The following DRG1 variants were observed in gnomAD, a reference collection of about 807,000 sequenced individuals.
DRG1 encodes developmentally-regulated GTP-binding protein 1.
Under a neutral mutation model 38.8 loss-of-function variants are expected in DRG1, and 19 were observed. The ratio of observed to expected loss-of-function variants is 0.49; its 90% CI spans 0.34 to 0.72. The LOEUF (loss-of-function observed/expected upper bound fraction) is 0.72, where lower values mean the gene tolerates loss of function less well. DRG1 is among the 30% of genes least tolerant of loss of function. The pLI, the probability that DRG1 is intolerant of heterozygous loss-of-function variation, is 0.01. For missense variants in DRG1, 299 were observed against 444.8 expected (o/e 0.67, Z 2.95); for synonymous variants, 167 against 157.5 (o/e 1.06, Z -0.45).
At chr22:31,430,100 A>G (rs1422903889) in intron 8 of DRG1, among the ~76,000 whole-genome samples, 1 of 152,120 alleles carries the variant, frequency 6.6e-6, no homozygotes, top group Non-Finnish European at 1.5e-5. Context: ...TTCCCAAATG[A>G]CATTGATTTT....
chr22:31,424,488 CTTTTT>C (rs398036881), intron 6 of DRG1, among the ~76,000 whole-genome samples: 7 of 71,396 alleles, frequency 9.8e-5, no homozygotes, highest in Non-Finnish European at 7.1e-5. Context: ...GCTTTGGTTT[CTTTTT>C]TTTTTTTTTT....
At chr22:31,399,868 C>T in intron 1 of DRG1, 143 bp downstream of exon 1, 1 of 1,227,358 alleles carries the variant, frequency 8.1e-7, no homozygotes, top group Non-Finnish European at 1.2e-6. Flanking sequence ...TTCCGACTGC[C>T]CTCTGCCACG....
Position 31,400,639 on chromosome 22 carries a change from A to G in DRG1, c.62A>G (p.Asn21Ser), listed in dbSNP as rs2049955857. The change falls in exon 2 of 9, where the codon AAC becomes AGC. Residue 21 changes from asparagine to serine, a missense_variant. Around this residue, in one of 3 missense-constraint regions of DRG1, gnomAD observed 51 missense variants for 56.1 expected, o/e 0.91. Coordinates refer to ENST00000331457, the MANE Select transcript of DRG1 (RefSeq NM_004147.4). ...TTTTAGATGGCTCGGACTCAAAAGA[A>G]CAAGGCCACAGCACACCACTTAGGG... ...IEAEMARTQK[N>S]KATAHHLGLL... The G allele has an allele frequency of 6.2e-7, 1 of 1,613,070 alleles. No individual in the cohort carries two copies. The highest frequency in any genetic ancestry group is 1.3e-5 in the African/African-American group (1 of 74,862).
In DRG1 at chr22:31,433,938, G is replaced by A. The variant is rs1232891333; in HGVS notation, c.1071G>A (p.Glu357=). The part of the protein sequence containing the change: ...PQKVGKDHTL[E]DEDVIQIVKK ...AAGTGGGTAAAGACCATACGTTGGA[G>A]GATGAGGATGTCATTCAAATTGTGA... is the stretch of plus-strand genomic sequence containing the variant. Residue 357 remains glutamate, a synonymous_variant, in exon 9 of 9, where the codon GAG becomes GAA. Coordinates refer to ENST00000331457, the MANE Select transcript of DRG1 (RefSeq NM_004147.4). 6.2e-7 allele frequency: 1 copy of A among 1,614,048 alleles called. No homozygotes were observed. The highest frequency in any genetic ancestry group is 2.2e-5 in the East Asian group (1 of 44,882).
chr22:31,427,777 A>G (rs1418091701), intron 8 of DRG1, among the ~76,000 whole-genome samples: 1 of 152,070 alleles, frequency 6.6e-6, no homozygotes, highest in African/African-American at 2.4e-5. Flanking sequence ...TTTGTTGCCC[A>G]GGCTGGAGTG....
intron 2 of DRG1, among the ~76,000 whole-genome samples, chr22:31,401,720 C>T (rs947378566): frequency 2.0e-5 from 3 of 151,910 alleles, no homozygotes; most frequent in Non-Finnish European, 2.9e-5. Flanking sequence ...GGCACCACTG[C>T]ACTCCATCCT....
chr22:31,430,597 C>T (rs918401371), intron 8 of DRG1, among the ~76,000 whole-genome samples: 2 of 151,984 alleles, frequency 1.3e-5, no homozygotes, highest in African/African-American at 4.8e-5. Flanking sequence ...GATGGGGTCT[C>T]ACCGTGTTAG....
chr22:31,431,031 C>A (rs745309070), intron 8 of DRG1, among the ~76,000 whole-genome samples: 3 of 87,702 alleles, frequency 3.4e-5, no homozygotes, highest in East Asian at 6.7e-4. Context: ...CCCCCCCCCC[C>A]CCGCTTTTTT....
intron 2 of DRG1, among the ~76,000 whole-genome samples, chr22:31,401,636 G>GTGA (rs1176758506): frequency 1.3e-5 from 2 of 150,472 alleles, no homozygotes; most frequent in African/African-American, 2.4e-5. Context: ...CATGTTTGTG[G>GTGA]TCTCAGCTAC....
At chr22:31,412,591 C>T (rs917039465) in intron 4 of DRG1, among the ~76,000 whole-genome samples, 12 of 151,914 alleles carry the variant, frequency 7.9e-5, no homozygotes, top group South Asian at 4.2e-4. Context: ...CCTCGTGATC[C>T]GCCCGCCTCG....
chr22:31,433,002 A>G (rs951908368), intron 8 of DRG1, among the ~76,000 whole-genome samples: 7 of 152,088 alleles, frequency 4.6e-5, no homozygotes, highest in African/African-American at 1.7e-4. Flanking sequence ...CTCTAGCACA[A>G]CATATTCTTA....
intron 2 of DRG1, among the ~76,000 whole-genome samples, chr22:31,401,495 C>G (rs1012350098): frequency 7.4e-5 from 11 of 147,824 alleles, no homozygotes; most frequent in Non-Finnish European, 1.6e-4. Context: ...AGGAGAATTG[C>G]TTGAATCGGG....
intron 6 of DRG1, among the ~76,000 whole-genome samples, chr22:31,424,074 G>A (rs962425094): frequency 6.6e-6 from 1 of 151,868 alleles, no homozygotes; most frequent in Admixed American, 6.6e-5. Context: ...GTGTTGGTCA[G>A]GCTGGTTTCG....
chr22:31,414,155 T>C (rs2050032516), intron 4 of DRG1, among the ~76,000 whole-genome samples: 1 of 152,152 alleles, frequency 6.6e-6, no homozygotes, highest in East Asian at 1.9e-4. Flanking sequence ...ATTCTTTTTT[T>C]CTCTGTCTCT....
intron 3 of DRG1, among the ~76,000 whole-genome samples, chr22:31,409,189 A>G (rs1283143755): frequency 3.9e-5 from 6 of 152,084 alleles, no homozygotes; most frequent in Admixed American, 3.9e-4. Context: ...GGTTCAAGCC[A>G]TTCTTGTGCC....
At chr22:31,414,816 C>T (rs1453760018) in intron 4 of DRG1, among the ~76,000 whole-genome samples, 5 of 148,074 alleles carry the variant, frequency 3.4e-5, no homozygotes, top group Admixed American at 2.0e-4. Flanking sequence ...ATCTTGCTCT[C>T]TTGCCCAGGC....
chr22:31,399,621 G>A lies in DRG1; in HGVS notation c.-63G>A, dbSNP rs879755552. 8.5e-5 allele frequency: 137 copies of A among 1,610,520 alleles called. No homozygotes were observed. Among genetic ancestry groups the A allele is most frequent in the Non-Finnish European group, 1.1e-4 (131 of 1,176,782 alleles). ...CGTGCTGCAGTAGCGCCTGGTGGCGGTGGCAGTTTGCCCGCGGGTGTGTGA... is the reference window on the plus strand; with the variant it reads ...CGTGCTGCAGTAGCGCCTGGTGGCGATGGCAGTTTGCCCGCGGGTGTGTGA... On this transcript the variant is annotated 5_prime_UTR_variant, in exon 1 of 9. The change creates a new upstream start codon in the 5' untranslated region. Transcript: ENST00000331457.
Position 31,417,004 on chromosome 22 carries a change from C to T in DRG1, c.413-3252C>T, listed in dbSNP as rs555154001. On this transcript the variant is annotated intron_variant, in intron 4 of 8. Transcript: ENST00000331457. The stretch of plus-strand genomic sequence containing the variant: ...CTCTTGAGCCCAGGAGGTCAATCTG[C>T]AGTGAGCCATGATCATGCCACTGCA... 4.0e-5 allele frequency among the ~76,000 whole-genome samples: 6 copies of T among 149,888 alleles called. No individual in the cohort carries two copies. The South Asian group carries it at 1.3e-3, about 32-fold the overall frequency.
intron 4 of DRG1, among the ~76,000 whole-genome samples, chr22:31,417,846 T>G (rs2050053168): frequency 6.7e-6 from 1 of 150,234 alleles, no homozygotes; most frequent in Admixed American, 6.7e-5. Flanking sequence ...CAAAATTAGC[T>G]AGGAGTGGTG....
Sources: allele counts gnomAD v4.1 joint callset (sites outside exome capture counted in the v4.1 genomes callset), GRCh38; gene constraint gnomAD v4.1.1; regional missense constraint gnomAD v4.1.1; transcripts MANE v1.5; gene names NCBI Gene and HGNC (gene_info 2026-07-23, HGNC 2026-07-21).